SLC4A4: variants seen among roughly 807,000 people sequenced by gnomAD.
The protein encoded by SLC4A4 is solute carrier family 4 member 4.
SLC4A4 carries 27 observed loss-of-function variants against 111.5 expected under a neutral mutation model. The observed-to-expected ratio is 0.24, with a 90% CI of 0.18 to 0.33. SLC4A4 has a LOEUF of 0.33. Ranked by LOEUF, SLC4A4 falls within the 10% of genes least tolerant of loss-of-function variation. The pLI is 1.00. For missense variants in SLC4A4, 909 were observed against 1,315.5 expected (o/e 0.69, Z 4.78); for synonymous variants, 443 against 463.4 (o/e 0.96, Z 0.57).
At chr4:71,349,645 A>G (rs1181264429) in intron 4 of SLC4A4, among the ~76,000 whole-genome samples, 2 of 152,228 alleles carry the variant, frequency 1.3e-5, no homozygotes, top group Non-Finnish European at 1.5e-5. Context: ...TCATGGTTAC[A>G]TATAGGCAGA....
intron 6 of SLC4A4, among the ~76,000 whole-genome samples, chr4:71,386,964 T>A (rs1343349911): frequency 6.6e-6 from 1 of 152,226 alleles, no homozygotes; most frequent in East Asian, 1.9e-4. Flanking sequence ...TGCTGTGAGA[T>A]ACAAACACCT....
intron 3 of SLC4A4, among the ~76,000 whole-genome samples, chr4:71,291,778 T>G (rs1724371397): frequency 6.6e-6 from 1 of 152,216 alleles, no homozygotes; most frequent in South Asian, 2.1e-4. Flanking sequence ...AAAATTCTCT[T>G]TGCTGTATTT....
chr4:71,112,691 C>T (rs1393473774), intron 2 of SLC4A4, among the ~76,000 whole-genome samples: 6 of 152,270 alleles, frequency 3.9e-5, no homozygotes, highest in East Asian at 3.9e-4. Context: ...TCAAATACCC[C>T]GCTCCAATAC....
At chr4:71,494,525 G>A (rs772647067) in intron 15 of SLC4A4, among the ~76,000 whole-genome samples, 1 of 151,870 alleles carries the variant, frequency 6.6e-6, no homozygotes, top group Non-Finnish European at 1.5e-5. Context: ...ATGTTGCCCA[G>A]GCTAGTCTCA....
intron 1 of SLC4A4, among the ~76,000 whole-genome samples, chr4:71,069,108 C>G (rs996591959): frequency 2.2e-4 from 34 of 152,152 alleles, no homozygotes; most frequent in Non-Finnish European, 3.7e-4. Context: ...CTTTTTCTTT[C>G]TTACTAAAGA....
chr4:71,552,507 A>G (rs1736093890), intron 20 of SLC4A4, among the ~76,000 whole-genome samples: 1 of 151,918 alleles, frequency 6.6e-6, no homozygotes, highest in African/African-American at 2.4e-5. Context: ...TTCTGGGAAT[A>G]TTCAAATACT....
intron 12 of SLC4A4, among the ~76,000 whole-genome samples, chr4:71,462,415 CTTTTTTTTTTTT>C (rs869306669): frequency 1.6e-5 from 2 of 121,894 alleles, no homozygotes; most frequent in Admixed American, 8.5e-5. Context: ...ACCTCCTCAT[CTTTTTTTTTTTT>C]TTTTTTTTTT....
At chr4:71,296,380 C>A (rs1724791130) in intron 3 of SLC4A4, among the ~76,000 whole-genome samples, 1 of 152,108 alleles carries the variant, frequency 6.6e-6, no homozygotes, top group Non-Finnish European at 1.5e-5. Context: ...ATTGACTTGT[C>A]TCATGTATAA....
At chr4:71,235,584 A>G (rs1023479276) in intron 1 of SLC4A4, among the ~76,000 whole-genome samples, 3 of 152,250 alleles carry the variant, frequency 2.0e-5, no homozygotes, top group South Asian at 2.1e-4. Flanking sequence ...TTCACTATAA[A>G]TAGACCTCAT....
chr4:71,201,097 G>A (rs889197989), intron 1 of SLC4A4, among the ~76,000 whole-genome samples: 2 of 152,168 alleles, frequency 1.3e-5, no homozygotes, highest in African/African-American at 4.8e-5. Flanking sequence ...TGAGTTCCCT[G>A]TGAAACAGTT....
intron 3 of SLC4A4, among the ~76,000 whole-genome samples, chr4:71,293,949 G>A (rs1307974597): frequency 6.6e-6 from 1 of 152,138 alleles, no homozygotes; most frequent in Non-Finnish European, 1.5e-5. Flanking sequence ...CATCAGTGAA[G>A]GATGAGGTAA....
At chr4:71,136,737 C>T (rs368322895) in intron 2 of SLC4A4, among the ~76,000 whole-genome samples, 8 of 152,142 alleles carry the variant, frequency 5.3e-5, no homozygotes, top group African/African-American at 1.9e-4. Flanking sequence ...AGTACTACCT[C>T]AAGGAGTGTT....
intron 22 of SLC4A4, among the ~76,000 whole-genome samples, chr4:71,558,087 A>G (rs912925226): frequency 6.6e-6 from 1 of 151,944 alleles, no homozygotes; most frequent in African/African-American, 2.4e-5. Context: ...ACCTAAGTTC[A>G]GATACTGGCC....
intron 2 of SLC4A4, among the ~76,000 whole-genome samples, chr4:71,123,257 A>G (rs1278450445): frequency 6.6e-6 from 1 of 152,204 alleles, no homozygotes; most frequent in African/African-American, 2.4e-5. Context: ...TCTAGATCAA[A>G]AGGGCACCTT....
At chr4:71,343,886 G>T (rs1729095481) in intron 4 of SLC4A4, among the ~76,000 whole-genome samples, 1 of 152,058 alleles carries the variant, frequency 6.6e-6, no homozygotes, top group African/African-American at 2.4e-5. Context: ...TGGACTTGTT[G>T]TTCCCTCTGT....
At chr4:71,323,928 A>C (rs1727308089) in intron 3 of SLC4A4, among the ~76,000 whole-genome samples, 1 of 151,868 alleles carries the variant, frequency 6.6e-6, no homozygotes, top group African/African-American at 2.4e-5. Flanking sequence ...CATCCTTGGC[A>C]GAGTATTGAG....
chr4:71,527,288 G>C (rs748766576), intron 16 of SLC4A4, among the ~76,000 whole-genome samples: 1 of 151,998 alleles, frequency 6.6e-6, no homozygotes, highest in Non-Finnish European at 1.5e-5. Context: ...GCTTAAACAG[G>C]GTGGTACTAG....
At chr4:71,203,945 G>C (rs114096507) in intron 1 of SLC4A4, among the ~76,000 whole-genome samples, 2 of 152,090 alleles carry the variant, frequency 1.3e-5, no homozygotes, top group Non-Finnish European at 2.9e-5. Context: ...TTAAGTAAAA[G>C]GCAGAAGAGG....
chr4:71,480,116 G>T (rs993805439), intron 14 of SLC4A4, among the ~76,000 whole-genome samples: 3 of 150,504 alleles, frequency 2.0e-5, no homozygotes, highest in African/African-American at 7.3e-5. Context: ...CAAACTACTG[G>T]GCTCAAGTGA....
Sources: gnomAD v4.1 joint callset for allele counts (sites outside exome capture counted in the v4.1 genomes callset) on GRCh38, gnomAD v4.1.1 for gene constraint, MANE v1.5 for transcripts, NCBI Gene and HGNC (gene_info 2026-07-23, HGNC 2026-07-21) for gene names.